Variants in TUSC3 observed in about 807,000 individuals in gnomAD.
TUSC3 encodes the protein tumor suppressor candidate 3, also known as dolichyl-diphosphooligosaccharide--protein glycosyltransferase subunit TUSC3.
TUSC3 carries 45 observed loss-of-function variants against 44.8 expected under a neutral mutation model. The observed-to-expected ratio is 1.00, with a 90% CI of 0.79 to 1.29. TUSC3 has a LOEUF of 1.29. Ranked by LOEUF, TUSC3 falls within the 50% of genes most tolerant of loss-of-function variation. The pLI, the probability that TUSC3 is intolerant of heterozygous loss-of-function variation, is 0.00. For synonymous variants in TUSC3, 212 were observed against 152.9 expected, an observed-to-expected ratio of 1.39 and a Z score of -2.85; for missense variants, 519 against 437.9, an observed-to-expected ratio of 1.19 and a Z score of -1.65.
chr8:15,517,661 G>T (rs1801237889), intron 2 of TUSC3, among the ~76,000 whole-genome samples: 1 of 149,062 alleles, frequency 6.7e-6, no homozygotes, highest in African/African-American at 2.5e-5. Flanking sequence ...GACTTGTCTT[G>T]TATTTCAAGT....
At chr8:15,733,295 G>A (rs1810796741) in intron 7 of TUSC3, 1 of 349,372 alleles carries the variant, frequency 2.9e-6, no homozygotes, top group Admixed American at 4.1e-5. Context: ...GAAACATAAA[G>A]CATTTGTTGC....
At chr8:15,711,227 G>A (rs1194183753) in intron 6 of TUSC3, among the ~76,000 whole-genome samples, 1 of 151,454 alleles carries the variant, frequency 6.6e-6, no homozygotes, top group Non-Finnish European at 1.5e-5. Flanking sequence ...CCTCGATGTT[G>A]ATCTACTTAA....
At chr8:15,671,247 C>T (rs561081465) in intron 5 of TUSC3, among the ~76,000 whole-genome samples, 4 of 152,088 alleles carry the variant, frequency 2.6e-5, no homozygotes, top group Non-Finnish European at 5.9e-5. Flanking sequence ...GAGCTCCTGT[C>T]TTTCTGTTAG....
chr8:15,527,376 C>G (rs1028887248), intron 2 of TUSC3, among the ~76,000 whole-genome samples: 88 of 152,152 alleles, frequency 5.8e-4, no homozygotes, highest in Non-Finnish European at 3.1e-4. Flanking sequence ...GGCACCACAC[C>G]CAGCTAATTT....
At chr8:15,541,303 G>C (rs1585083523) in intron 1 of TUSC3, among the ~76,000 whole-genome samples, 1 of 152,214 alleles carries the variant, frequency 6.6e-6, no homozygotes, top group Admixed American at 6.5e-5. Flanking sequence ...TAGGTGGAGT[G>C]TTTGTAAGTT....
the TUSC3 span, chr8:15,807,293 T>G: frequency 1.7e-5 from 9 of 532,268 alleles, no homozygotes; most frequent in African/African-American, 1.1e-4. Context: ...TATGTCATAA[T>G]CCTGTAGGTC....
the TUSC3 span, among the ~76,000 whole-genome samples, chr8:15,824,574 C>T: frequency 2.8e-5 from 4 of 141,830 alleles, no homozygotes; most frequent in Admixed American, 7.5e-5. Flanking sequence ...CACATGGACA[C>T]AGGAAGGGGA....
the TUSC3 span, among the ~76,000 whole-genome samples, chr8:15,832,123 G>C: frequency 6.6e-6 from 1 of 152,168 alleles, no homozygotes; most frequent in African/African-American, 2.4e-5. Context: ...AGGCAGAAGA[G>C]ATTGAGGGCC....
At chr8:15,640,820 T>A (rs143321142) in intron 2 of TUSC3, among the ~76,000 whole-genome samples, 1 of 151,938 alleles carries the variant, frequency 6.6e-6, no homozygotes, top group African/African-American at 2.4e-5. Flanking sequence ...TATCTCAGAG[T>A]CTAGTTCGTA....
the TUSC3 span, among the ~76,000 whole-genome samples, chr8:15,792,553 G>A: frequency 6.6e-6 from 1 of 152,084 alleles, no homozygotes; most frequent in Non-Finnish European, 1.5e-5. Context: ...TGACACTGCT[G>A]ACAATCATAC....
chr8:15,540,055 C>A (rs936273452), upstream of TUSC3, among the ~76,000 whole-genome samples: 8 of 152,178 alleles, frequency 5.3e-5, no homozygotes, highest in African/African-American at 1.9e-4. Context: ...GCTGGACTAC[C>A]CAGTAATTGG....
chr8:15,493,342 G>T (rs1488576906), intron 2 of TUSC3, among the ~76,000 whole-genome samples: 2 of 151,922 alleles, frequency 1.3e-5, no homozygotes, highest in East Asian at 1.9e-4. Context: ...CTCACAGCAG[G>T]GTCAAACTCC....
chr8:15,420,088 A>G (rs913309723), intron 1 of TUSC3, among the ~76,000 whole-genome samples: 1 of 152,306 alleles, frequency 6.6e-6, no homozygotes, highest in East Asian at 1.9e-4. Flanking sequence ...AAACACTATA[A>G]CAAAGCTTAT....
intron 2 of TUSC3, among the ~76,000 whole-genome samples, chr8:15,640,003 G>C (rs1806292093): frequency 6.6e-6 from 1 of 152,170 alleles, no homozygotes. Context: ...TCGTTAGAAA[G>C]GGGAGCTCCC....
At chr8:15,661,060 C>A (rs1011382587) in intron 4 of TUSC3, among the ~76,000 whole-genome samples, 2 of 151,790 alleles carry the variant, frequency 1.3e-5, no homozygotes, top group African/African-American at 4.8e-5. Flanking sequence ...TATCATTCTC[C>A]CTGCTACCCC....
chr8:15,766,756 G>C (rs528890689), downstream of TUSC3: 4 of 152,072 alleles, frequency 2.6e-5, no homozygotes, highest in African/African-American at 4.8e-5. Context: ...TGCTGTAACC[G>C]TAGAGCGTGG....
intron 2 of TUSC3, among the ~76,000 whole-genome samples, chr8:15,647,005 A>G (rs1468241715): frequency 6.6e-6 from 1 of 152,056 alleles, no homozygotes; most frequent in African/African-American, 2.4e-5. Flanking sequence ...GCATTGTGAT[A>G]TGAAGATGAG....
At chr8:15,515,673 T>C (rs1348549090) in intron 2 of TUSC3, among the ~76,000 whole-genome samples, 1 of 152,018 alleles carries the variant, frequency 6.6e-6, no homozygotes, top group Non-Finnish European at 1.5e-5. Flanking sequence ...TGTATGTATA[T>C]ACATATTTTT....
chr8:15,613,901 C>G (rs1416133727), intron 1 of TUSC3, among the ~76,000 whole-genome samples: 1 of 152,160 alleles, frequency 6.6e-6, no homozygotes, highest in Admixed American at 6.6e-5. Flanking sequence ...GACACCCAAA[C>G]AGAGAAGTTT....
Sources: allele counts gnomAD v4.1 joint callset (sites outside exome capture counted in the v4.1 genomes callset), GRCh38; gene constraint gnomAD v4.1.1; transcripts MANE v1.5; gene names NCBI Gene and HGNC (gene_info 2026-07-23, HGNC 2026-07-21).